Variants in HSF5 observed in about 807,000 individuals in gnomAD.
HSF5 encodes the protein heat shock transcription factor 5.
A neutral mutation model predicts 50.8 loss-of-function variants in HSF5; 5 were observed. The observed-to-expected ratio is 0.10, with a 90% confidence interval of 0.05 to 0.21. HSF5 has a LOEUF of 0.21. Among genes scored for constraint, HSF5 ranks in the 10% least tolerant of loss-of-function variants. The probability of loss-of-function intolerance (pLI) is 1.00; values close to 1 mark genes in which losing one functional copy is unlikely to be tolerated. For synonymous variants in HSF5, 307 were observed against 307.4 expected (o/e 1.00, Z 0.02); for missense variants, 564 against 762.6 (o/e 0.74, Z 3.07).
At chr17:58,479,073 G>C (rs923291318) in intron 2 of HSF5, among the ~76,000 whole-genome samples, 1 of 151,878 alleles carries the variant, frequency 6.6e-6, no homozygotes, top group Non-Finnish European at 1.5e-5. Context: ...CCAGTTCTTA[G>C]CTGCCTAGGA....
chr17:58,425,571 A>G lies in HSF5; in HGVS notation c.1721-3141T>C, dbSNP rs181590553. Among the ~76,000 whole-genome samples the G allele has an allele frequency of 2.1e-4, 22 of 103,780 alleles. No homozygotes were observed. The South Asian group carries it at 2.2e-3, about 10-fold the overall frequency. 68.1% of individuals were successfully genotyped at this position (103,780 alleles called of 152,430 possible). A position where few individuals can be genotyped will look rare whatever the true frequency, so the allele number is the denominator to read the frequency against. On this transcript the variant is annotated intron_variant, in intron 5 of 5. Transcript: ENST00000323777. ...GCCTGGGCAACATAGTAAGACCTCT[A>G]TCTCAAAAAAAAAAAAAAAAAAAAA... is the stretch of plus-strand genomic sequence containing the variant.
chr17:58,479,964 A>G lies in HSF5; in HGVS notation c.854T>C (p.Met285Thr). The stretch of plus-strand genomic sequence containing the variant: ...ACTGTATTTTTGGGAGGAGCTGACC[A>G]TTGTTTGAGGACCTTGTTGAACATG... Reference protein sequence around the residue: ...SVHVQQGPQTMVSSSQKYSNY... With the variant: ...SVHVQQGPQTTVSSSQKYSNY... Residue 285 changes from methionine (M) to threonine (T), a missense_variant, in exon 2 of 6, where the codon ATG becomes ACG. This residue lies in a region of HSF5 where 441 missense variants were observed against 533.6 expected (regional missense o/e 0.83). Coordinates refer to ENST00000323777, the MANE Select transcript of HSF5 (RefSeq NM_001080439.3). The G allele has an allele frequency of 6.2e-7, 1 of 1,614,112 alleles. No individual in the cohort carries two copies. The highest frequency in any genetic ancestry group is 8.5e-7 in the Non-Finnish European group (1 of 1,179,984).
intron 2 of HSF5, among the ~76,000 whole-genome samples, chr17:58,474,536 A>G (rs900255516): frequency 2.6e-5 from 4 of 152,166 alleles, no homozygotes; most frequent in Non-Finnish European, 4.4e-5. Context: ...CTTACCTTAA[A>G]CACTTGGAGA....
rs1353118175 is a variant in HSF5 at position 58,463,094 on chromosome 17, G to A, written c.1230C>T (p.His410=). The change falls in exon 4 of 6, where the codon CAC becomes CAT. Residue 410 remains histidine, a synonymous_variant. Coordinates refer to ENST00000323777, the MANE Select transcript of HSF5 (RefSeq NM_001080439.3). The part of the protein sequence containing the change: ...CPTSPSYRGQ[H]ILANSNNSNP... The stretch of plus-strand genomic sequence containing the variant: ...TGCTGTTGTTAGAATTAGCTAAAAT[G>A]TGTTGGCCTCTGTAAGACGGAGATG... 1 of 1,614,228 alleles carries A rather than the reference G, an allele frequency of 6.2e-7. No individual in the cohort carries two copies. Among genetic ancestry groups the A allele is most frequent in the Non-Finnish European group, 8.5e-7 (1 of 1,180,042 alleles).
At position 58,488,011 on chromosome 17, in the gene HSF5, G is replaced by C; in HGVS notation, c.264C>G (p.Gly88=). Residue 88 remains glycine, a synonymous_variant, in exon 1 of 6, where the codon GGC becomes GGG. Transcript: ENST00000323777. The surrounding 1 kb of genome is among the most constrained non-coding windows in gnomAD (Gnocchi z 4.1). ...GCCCGCCCAGCACCACCTTGCGGAAGCCGTAGAGGTTGAGCTGGCGGATGA... is the reference window on the plus strand; with the variant it reads ...GCCCGCCCAGCACCACCTTGCGGAACCCGTAGAGGTTGAGCTGGCGGATGA... ...TSFIRQLNLY[G]FRKVVLGGPG... is the part of the protein sequence containing the mutation. The C allele has an allele frequency of 2.5e-6, 4 of 1,609,544 alleles. No individual in the cohort carries two copies. The highest frequency in any genetic ancestry group is 3.4e-6 in the Non-Finnish European group (4 of 1,178,944).
chr17:58,440,656 A>T (rs994707181), intron 5 of HSF5, among the ~76,000 whole-genome samples: 5 of 152,246 alleles, frequency 3.3e-5, no homozygotes, highest in Non-Finnish European at 7.3e-5. Context: ...GAAACTCCAT[A>T]TACTGGAATT....
chr17:58,422,728 T>G (rs1010488073), intron 5 of HSF5, among the ~76,000 whole-genome samples: 6 of 147,810 alleles, frequency 4.1e-5, no homozygotes, highest in Non-Finnish European at 8.9e-5. Context: ...GGAGTTTTGC[T>G]CTTATCGTCC....
chr17:58,480,616 G>A (rs1240775124), intron 1 of HSF5, among the ~76,000 whole-genome samples: 1 of 151,998 alleles, frequency 6.6e-6, no homozygotes, highest in Non-Finnish European at 1.5e-5. Context: ...TTTCCAACGT[G>A]TAAGCTACTT....
At chr17:58,485,995 G>A (rs1229687197) in intron 1 of HSF5, among the ~76,000 whole-genome samples, 1 of 151,990 alleles carries the variant, frequency 6.6e-6, no homozygotes, top group Non-Finnish European at 1.5e-5. Context: ...CTTGAACCCG[G>A]GAGGCAGAGG....
chr17:58,478,938 A>G (rs1975062903), intron 2 of HSF5, among the ~76,000 whole-genome samples: 2 of 151,782 alleles, frequency 1.3e-5, no homozygotes, highest in African/African-American at 2.4e-5. Flanking sequence ...GAAGCAAAAA[A>G]CAGATGATAA....
At chr17:58,439,084 C>A (rs1974464786) in intron 5 of HSF5, among the ~76,000 whole-genome samples, 1 of 151,578 alleles carries the variant, frequency 6.6e-6, no homozygotes, top group Admixed American at 6.6e-5. Context: ...CTGCAGTGAG[C>A]TATGATCGTG....
Position 58,442,716 on chromosome 17 carries a change from CTTAG to C in HSF5, c.1720+16048_1720+16051del, listed in dbSNP as rs147082262. On this transcript the variant is annotated intron_variant, in intron 5 of 5. Coordinates refer to ENST00000323777, the MANE Select transcript of HSF5 (RefSeq NM_001080439.3). ...TCATAAGTGGAAGAGATGGGCTAGACTTAGTTAGTCCTTTAATTCTTTTTTGTTT... is the reference window on the plus strand; with the variant it reads ...TCATAAGTGGAAGAGATGGGCTAGACTTAGTCCTTTAATTCTTTTTTGTTT... Among the ~76,000 whole-genome samples, 1,279 of 152,144 alleles carry C rather than the reference CTTAG, an allele frequency of 8.4e-3. 13 individuals carry two copies. Among genetic ancestry groups the C allele is most frequent in the African/African-American group, 0.023 (974 of 41,518 alleles).
At chr17:58,475,849 G>A (rs778495293) in intron 2 of HSF5, among the ~76,000 whole-genome samples, 3 of 152,118 alleles carry the variant, frequency 2.0e-5, no homozygotes, top group Non-Finnish European at 2.9e-5. Context: ...CACAGAGCTC[G>A]TAGTGTTGAT....
chr17:58,477,707 G>A (rs1009884254), intron 2 of HSF5, among the ~76,000 whole-genome samples: 1 of 152,018 alleles, frequency 6.6e-6, no homozygotes, highest in African/African-American at 2.4e-5. Flanking sequence ...TGATCTGCCC[G>A]CCTCGGCCTC....
chr17:58,484,572 C>G (rs1185923248), intron 1 of HSF5, among the ~76,000 whole-genome samples: 1 of 149,672 alleles, frequency 6.7e-6, no homozygotes, highest in African/African-American at 2.5e-5. Context: ...TCTCCTTATA[C>G]CCACCAGACA....
intron 1 of HSF5, among the ~76,000 whole-genome samples, chr17:58,487,185 C>A (rs1269705250): frequency 1.3e-5 from 2 of 152,200 alleles, no homozygotes; most frequent in African/African-American, 4.8e-5. Flanking sequence ...GGATTACAGG[C>A]GTGAGCCACC....
chr17:58,455,353 AG>A (rs555946393), intron 5 of HSF5, among the ~76,000 whole-genome samples: 101 of 152,326 alleles, frequency 6.6e-4, no homozygotes, highest in Middle Eastern at 3.4e-3. Flanking sequence ...CTTAAATGTA[AG>A]ATTCAAAACT....
At chr17:58,468,912 T>C (rs1452001010) in intron 2 of HSF5, among the ~76,000 whole-genome samples, 1 of 152,132 alleles carries the variant, frequency 6.6e-6, no homozygotes, top group Non-Finnish European at 1.5e-5. Flanking sequence ...TCATTTCCAA[T>C]ACAGGTTAGC....
At chr17:58,477,424 T>C (rs1975031297) in intron 2 of HSF5, among the ~76,000 whole-genome samples, 1 of 146,514 alleles carries the variant, frequency 6.8e-6, no homozygotes, top group Non-Finnish European at 1.5e-5. Context: ...CAGGCCCAGA[T>C]TTATAATTTT....
Sources: gnomAD v4.1 joint callset for allele counts (sites outside exome capture counted in the v4.1 genomes callset) on GRCh38, gnomAD v4.1.1 for gene constraint, gnomAD v4.1.1 regional missense constraint, Gnocchi (gnomAD v3.1) non-coding constraint, MANE v1.5 for transcripts, NCBI Gene and HGNC (gene_info 2026-07-23, HGNC 2026-07-21) for gene names.